The following ZNF827 variants were observed in gnomAD, a reference collection of about 807,000 sequenced individuals.
ZNF827 encodes zinc finger protein 827.
In ZNF827, 13 loss-of-function variants were observed where a neutral mutation model predicts 102.4. That is an observed-to-expected ratio of 0.13 (90% CI 0.08 to 0.20). The LOEUF (loss-of-function observed/expected upper bound fraction) is 0.20. Among genes scored for constraint, ZNF827 ranks in the 10% least tolerant of loss-of-function variants. ZNF827 has a pLI of 1.00. For synonymous variants in ZNF827, 523 were observed against 536.2 expected (o/e 0.98, Z 0.34); for missense variants, 1,103 against 1,344.4 (o/e 0.82, Z 2.81).
chr4:145,890,372 C>T (rs968093906), intron 3 of ZNF827, among the ~76,000 whole-genome samples: 21 of 152,260 alleles, frequency 1.4e-4, no homozygotes, highest in Non-Finnish European at 2.2e-4. Context: ...TCTAAGACCC[C>T]ACGACCCACA....
At position 145,938,459 on chromosome 4, in the gene ZNF827, C is replaced by T. The variant is rs1372029551; in HGVS notation, c.-52G>A. On this transcript the variant is annotated 5_prime_UTR_variant, in exon 1 of 15. Coordinates refer to ENST00000508784, the MANE Select transcript of ZNF827 (RefSeq NM_001306215.2). The stretch of plus-strand genomic sequence containing the variant: ...CTTGGTTAATGTGAGATCAAATAAA[C>T]CCCCGTGGGGGCAGAGAGGCAGACA... 2 of 1,317,490 alleles carry T rather than the reference C, an allele frequency of 1.5e-6. No homozygotes were observed. Among genetic ancestry groups the T allele is most frequent in the Non-Finnish European group, 1.0e-6 (1 of 999,766 alleles). 81.6% of individuals were successfully genotyped at this position (1,317,490 alleles called of 1,614,324 possible).
At chr4:145,818,807 G>GA (rs1384859271) in intron 8 of ZNF827, among the ~76,000 whole-genome samples, 8 of 152,190 alleles carry the variant, frequency 5.3e-5, no homozygotes, top group Non-Finnish European at 1.0e-4. Flanking sequence ...CTGAGAGCTA[G>GA]TTGCAGGTGG....
At chr4:145,838,273 T>A (rs13114536) in intron 7 of ZNF827, among the ~76,000 whole-genome samples, 35,778 of 151,606 alleles carry the variant, frequency 0.24, 4,534 homozygotes, top group Non-Finnish European at 0.28. Context: ...TCATCCTGGC[T>A]CAAAAGCACC....
At chr4:145,776,986 T>C (rs1344701792) in intron 9 of ZNF827, among the ~76,000 whole-genome samples, 2 of 152,204 alleles carry the variant, frequency 1.3e-5, no homozygotes, top group Non-Finnish European at 2.9e-5. Flanking sequence ...ATAAAGGTAA[T>C]AGCAGAAGAT....
intron 7 of ZNF827, among the ~76,000 whole-genome samples, chr4:145,844,506 C>T (rs1307055212): frequency 6.6e-6 from 1 of 151,282 alleles, no homozygotes; most frequent in Non-Finnish European, 1.5e-5. Flanking sequence ...ATGGCGAAAC[C>T]CTGTCTTTAC....
At chr4:145,851,485 C>T (rs894662597) in intron 5 of ZNF827, among the ~76,000 whole-genome samples, 2 of 151,928 alleles carry the variant, frequency 1.3e-5, no homozygotes, top group Admixed American at 1.3e-4. Context: ...GTCAAATACA[C>T]GTATATAGTT....
rs1561041670 is a variant in ZNF827 at position 145,885,943 on chromosome 4, C to T, written c.1482G>A (p.Gly494=). The part of the protein sequence containing the change: ...ACLGQQREGG[G]TELVGTMMTS... ...TCATCATGGTCCCCACTAGCTCTGTCCCTCCTCCTTCCCTTTGCTGCCCCA... is the reference window on the plus strand; with the variant it reads ...TCATCATGGTCCCCACTAGCTCTGTTCCTCCTCCTTCCCTTTGCTGCCCCA... The change falls in exon 4 of 15, where the codon GGG becomes GGA. Residue 494 remains glycine (G), a synonymous_variant. Transcript: ENST00000508784. 3 of 1,614,154 alleles carry T rather than the reference C, an allele frequency of 1.9e-6. No individual in the cohort carries two copies. The highest frequency in any genetic ancestry group is 2.5e-6 in the Non-Finnish European group (3 of 1,180,006).
chr4:145,781,540 A>G (rs1738056248), intron 8 of ZNF827, among the ~76,000 whole-genome samples: 1 of 152,254 alleles, frequency 6.6e-6, no homozygotes, highest in Non-Finnish European at 1.5e-5. Flanking sequence ...TTGTTAAAAC[A>G]TAGCACTTGG....
intron 11 of ZNF827, among the ~76,000 whole-genome samples, chr4:145,767,125 T>A (rs1735422580): frequency 6.6e-6 from 1 of 152,180 alleles, no homozygotes; most frequent in South Asian, 2.1e-4. Flanking sequence ...CAGACACAGT[T>A]GTTAGACTTC....
In ZNF827 at chr4:145,902,929, G is replaced by T; in HGVS notation, c.330C>A (p.Asp110Glu). Residue 110 changes from aspartate (D) to glutamate (E), a missense_variant, in exon 2 of 15, where the codon GAC (aspartate) becomes GAA (glutamate). Physicochemically the swap from Asp to Glu is conservative, Grantham distance 45 (BLOSUM62 2). Transcript: ENST00000508784. The surrounding 1 kb of genome is among the most constrained non-coding windows in gnomAD (Gnocchi z 4.3). ...GGGGCTTGTTGGAGCCTGGGTCATCGTCACACAAAGAAGACACTCCCGGGG... is the reference window on the plus strand; with the variant it reads ...GGGGCTTGTTGGAGCCTGGGTCATCTTCACACAAAGAAGACACTCCCGGGG... Reference protein sequence around the residue: ...HLSPGVSSLCDDDPGSNKPLS... With the variant: ...HLSPGVSSLCEDDPGSNKPLS... 6.2e-7 allele frequency: 1 copy of T among 1,614,122 alleles called. No homozygotes were observed. The highest frequency in any genetic ancestry group is 8.5e-7 in the Non-Finnish European group (1 of 1,180,030).
intron 7 of ZNF827, among the ~76,000 whole-genome samples, chr4:145,844,975 T>C (rs1411044643): frequency 6.6e-6 from 1 of 152,218 alleles, no homozygotes; most frequent in Non-Finnish European, 1.5e-5. Flanking sequence ...AGGAAGAATC[T>C]TTCTCTGTTT....
intron 4 of ZNF827, among the ~76,000 whole-genome samples, chr4:145,885,472 A>G (rs914440031): frequency 6.6e-6 from 1 of 152,166 alleles, no homozygotes; most frequent in African/African-American, 2.4e-5. Context: ...CCAAAGCAAT[A>G]CTACTTCCAA....
At chr4:145,905,729 C>T (rs192526598) in intron 1 of ZNF827, among the ~76,000 whole-genome samples, 90 of 152,286 alleles carry the variant, frequency 5.9e-4, no homozygotes, top group African/African-American at 2.0e-3. Context: ...TCAGATTAAA[C>T]ATCTCATCCT....
At chr4:145,770,337 AAT>A (rs1346788981) in intron 11 of ZNF827, among the ~76,000 whole-genome samples, 2 of 63,978 alleles carry the variant, frequency 3.1e-5, no homozygotes, top group Non-Finnish European at 5.3e-5. Context: ...TAAATAAATA[AAT>A]AAATAAATAA....
chr4:145,761,247 C>G lies in ZNF827; in HGVS notation c.*369G>C. The G allele has an allele frequency of 3.1e-6, 4 of 1,289,876 alleles. No individual in the cohort carries two copies. Among genetic ancestry groups the G allele is most frequent in the Non-Finnish European group, 4.0e-6 (4 of 988,882 alleles). The allele number at this position is 1,289,876 out of a possible 1,614,324, so 79.9% of individuals were successfully genotyped here. ...AGACGAAAGGGTGTGTGGTCTTGAACAGGCACTCTTCGCAGCTGAAGGTCT... is the reference window on the plus strand; with the variant it reads ...AGACGAAAGGGTGTGTGGTCTTGAAGAGGCACTCTTCGCAGCTGAAGGTCT... On this transcript the variant is annotated 3_prime_UTR_variant, in exon 15 of 15. Coordinates refer to ENST00000508784, the MANE Select transcript of ZNF827 (RefSeq NM_001306215.2). The surrounding 1 kb of genome is among the most constrained non-coding windows in gnomAD (Gnocchi z 6.8).
At chr4:145,903,315 C>T (rs1751580352) in intron 1 of ZNF827, 100 bp from the exon 2 acceptor site, 5 of 1,464,228 alleles carry the variant, frequency 3.4e-6, no homozygotes, top group Admixed American at 5.0e-5. Flanking sequence ...TCTTCCCTTC[C>T]ACCCAAGAAC....
chr4:145,878,704 G>C (rs113685554), intron 4 of ZNF827, among the ~76,000 whole-genome samples: 1 of 148,996 alleles, frequency 6.7e-6, no homozygotes, highest in Non-Finnish European at 1.5e-5. Context: ...AGGGAGGAAG[G>C]GAGAGAGAGG....
chr4:145,847,396 C>G (rs186626919), intron 6 of ZNF827, among the ~76,000 whole-genome samples: 79 of 152,306 alleles, frequency 5.2e-4, no homozygotes, highest in African/African-American at 1.8e-3. Context: ...ACTGTTCCGC[C>G]TCTGACTTTG....
Position 145,902,406 on chromosome 4 carries a change from T to A in ZNF827, c.853A>T (p.Thr285Ser), listed in dbSNP as rs767231502. The A allele has an allele frequency of 6.2e-7, 1 of 1,613,940 alleles. No individual in the cohort carries two copies. The highest frequency in any genetic ancestry group is 8.5e-7 in the Non-Finnish European group (1 of 1,179,994). ...ASSFLSLASMTSSAALLKEVA... is the reference protein window; with the variant it reads ...ASSFLSLASMSSSAALLKEVA... ...TCCTTCAGAAGGGCCGCTGAGGAGG[T>A]CATAGAAGCCAGGGAAAGGAAGGAG... is the stretch of plus-strand genomic sequence containing the variant. Residue 285 changes from threonine (T) to serine (S), a missense_variant, in exon 2 of 15, where the codon ACC (threonine) becomes TCC (serine). Transcript: ENST00000508784. This position sits in a 1 kb window ranked among gnomAD's most constrained non-coding sequence, Gnocchi z 4.3.
Sources: allele counts gnomAD v4.1 joint callset (sites outside exome capture counted in the v4.1 genomes callset), GRCh38; gene constraint gnomAD v4.1.1; non-coding constraint Gnocchi (gnomAD v3.1); transcripts MANE v1.5; gene names NCBI Gene and HGNC (gene_info 2026-07-23, HGNC 2026-07-21).